EXOC6B: variants seen among roughly 807,000 people sequenced by gnomAD.
The protein encoded by EXOC6B is exocyst complex component 6B.
EXOC6B carries 54 observed loss-of-function variants against 113.5 expected under a neutral mutation model. That is an observed-to-expected ratio of 0.48 (90% CI 0.38 to 0.60). EXOC6B has a LOEUF of 0.60. Ranked by LOEUF, EXOC6B falls within the 20% of genes least tolerant of loss-of-function variation. EXOC6B has a pLI of 0.00. For missense variants in EXOC6B, 797 were observed against 977.5 expected (o/e 0.82, Z 2.46); for synonymous variants, 357 against 339.0 (o/e 1.05, Z -0.58).
At chr2:72,185,131 C>T (rs1166616741) in intron 20 of EXOC6B, among the ~76,000 whole-genome samples, 1 of 152,246 alleles carries the variant, frequency 6.6e-6, no homozygotes, top group East Asian at 1.9e-4. Flanking sequence ...CTAGAAGGGG[C>T]ACAGTCCCAG....
chr2:72,515,051 A>G lies in EXOC6B; in HGVS notation c.991T>C (p.Ser331Pro), dbSNP rs1299814964. The change falls in exon 9 of 22, where the codon TCT becomes CCT. Residue 331 changes from serine to proline, a missense_variant. Physicochemically the swap from Ser to Pro is moderately conservative, Grantham distance 74. Coordinates refer to ENST00000272427, the MANE Select transcript of EXOC6B (RefSeq NM_015189.3). ...GAAGATGGTAATCCTACCATGTTAGATGGAGGTTGAAGTACCAAACGAGCC... is the reference window on the plus strand; with the variant it reads ...GAAGATGGTAATCCTACCATGTTAGGTGGAGGTTGAAGTACCAAACGAGCC... ...KQARLVLQPP[S>P]NMHETLDGYR... is the part of the protein sequence containing the mutation. 5.0e-6 allele frequency: 8 copies of G among 1,604,616 alleles called. No individual in the cohort carries two copies. Among genetic ancestry groups the G allele is most frequent in the Non-Finnish European group, 6.8e-6 (8 of 1,175,440 alleles).
chr2:72,390,353 T>C (rs981640294), intron 18 of EXOC6B, among the ~76,000 whole-genome samples: 1 of 152,238 alleles, frequency 6.6e-6, no homozygotes, highest in African/African-American at 2.4e-5. Flanking sequence ...ATATAAGCAT[T>C]TTTAAAGCAT....
At chr2:72,439,821 T>C in intron 18 of EXOC6B, among the ~76,000 whole-genome samples, 1 of 152,234 alleles carries the variant, frequency 6.6e-6, no homozygotes, top group East Asian at 1.9e-4. Flanking sequence ...GAGCTTTCAG[T>C]GTCTTGCACT....
At chr2:72,806,376 T>C (rs1232187350) in intron 1 of EXOC6B, among the ~76,000 whole-genome samples, 1 of 152,240 alleles carries the variant, frequency 6.6e-6, no homozygotes, top group Non-Finnish European at 1.5e-5. Flanking sequence ...TTTTTATGGC[T>C]GTACAGTGGT....
intron 20 of EXOC6B, among the ~76,000 whole-genome samples, chr2:72,217,205 TAATACC>T (rs1680596667): frequency 6.6e-6 from 1 of 152,120 alleles, no homozygotes; most frequent in East Asian, 1.9e-4. Context: ...CCAGCCCTGA[TAATACC>T]AATATTCACA....
intron 7 of EXOC6B, among the ~76,000 whole-genome samples, chr2:72,573,447 T>A (rs1704635149): frequency 1.3e-5 from 2 of 152,186 alleles, no homozygotes; most frequent in Admixed American, 6.5e-5. Context: ...CCAGGGTGGA[T>A]CCACATCTTA....
intron 20 of EXOC6B, among the ~76,000 whole-genome samples, chr2:72,230,036 G>C (rs1251583514): frequency 6.6e-6 from 1 of 151,968 alleles, no homozygotes; most frequent in Non-Finnish European, 1.5e-5. Flanking sequence ...GAGTAAGGAG[G>C]GGGAGGAATG....
chr2:72,207,830 C>T lies in EXOC6B; in HGVS notation c.2197-23643G>A, dbSNP rs537873729. Among the ~76,000 whole-genome samples, 8 of 152,206 alleles carry T rather than the reference C, an allele frequency of 5.3e-5. No homozygotes were observed. The South Asian group carries it at 1.7e-3, about 32-fold the overall frequency. ...AAATACCATGCTTCCTTGCCCTATT[C>T]CTAAATCATATAAATGTAATGAAAA... On this transcript the variant is annotated intron_variant, in intron 20 of 21. Transcript: ENST00000272427.
At position 72,398,727 on chromosome 2, in the gene EXOC6B, TACACACACAC is replaced by T. The variant is rs60055732; in HGVS notation, c.1981-18867_1981-18858del. Among the ~76,000 whole-genome samples, 51 of 138,994 alleles carry T rather than the reference TACACACACAC, an allele frequency of 3.7e-4. 1 individual carries two copies. The highest frequency in any genetic ancestry group is 1.2e-3 in the African/African-American group (47 of 37,626). 91.2% of individuals were successfully genotyped at this position (138,994 alleles called of 152,430 possible). A position where few individuals can be genotyped will look rare whatever the true frequency, so the allele number is the denominator to read the frequency against. ...AAAAAAAAAAAACTGTCTCTCTGTC[TACACACACAC>T]ACACACACACACACACACACACAAT... On this transcript the variant is annotated intron_variant, in intron 18 of 21. Coordinates refer to ENST00000272427, the MANE Select transcript of EXOC6B (RefSeq NM_015189.3).
At chr2:72,678,615 A>G (rs559272874) in intron 6 of EXOC6B, among the ~76,000 whole-genome samples, 9 of 152,164 alleles carry the variant, frequency 5.9e-5, no homozygotes, top group South Asian at 2.1e-4. Context: ...CTGAGGCACA[A>G]GAATTGCTTG....
intron 8 of EXOC6B, among the ~76,000 whole-genome samples, chr2:72,524,777 C>G (rs1372561817): frequency 1.3e-5 from 2 of 152,002 alleles, no homozygotes; most frequent in Non-Finnish European, 2.9e-5. Context: ...AGAAAAATGT[C>G]TAAACTTCAA....
At chr2:72,223,016 T>C (rs1008135264) in intron 20 of EXOC6B, among the ~76,000 whole-genome samples, 1 of 152,216 alleles carries the variant, frequency 6.6e-6, no homozygotes. Flanking sequence ...AGCAATAGCA[T>C]CTGTGTTCAG....
At chr2:72,628,514 C>T (rs1672197373) in intron 6 of EXOC6B, among the ~76,000 whole-genome samples, 1 of 152,038 alleles carries the variant, frequency 6.6e-6, no homozygotes, top group South Asian at 2.1e-4. Context: ...TTTGTGACCC[C>T]TAAAATTCAT....
At chr2:72,581,138 T>C (rs1705195821) in intron 6 of EXOC6B, among the ~76,000 whole-genome samples, 1 of 152,146 alleles carries the variant, frequency 6.6e-6, no homozygotes, top group African/African-American at 2.4e-5. Context: ...AGGATAACCA[T>C]GAAAATAAAT....
At chr2:72,471,685 T>C (rs1345854444) in intron 17 of EXOC6B, among the ~76,000 whole-genome samples, 1 of 152,212 alleles carries the variant, frequency 6.6e-6, no homozygotes, top group African/African-American at 2.4e-5. Context: ...CCAATTTGGA[T>C]GCCTTTTATT....
chr2:72,604,740 A>G (rs940007850), intron 6 of EXOC6B, among the ~76,000 whole-genome samples: 1 of 152,200 alleles, frequency 6.6e-6, no homozygotes, highest in Non-Finnish European at 1.5e-5. Context: ...GGTCCATACT[A>G]TGATAGAGTT....
rs1558625759 is a variant in EXOC6B at position 72,397,661 on chromosome 2, T to TAAAATAAAAAAAA, written c.1981-17792_1981-17791insTTTTTTTTATTTT. Among the ~76,000 whole-genome samples, 19 of 102,084 alleles carry TAAAATAAAAAAAA rather than the reference T, an allele frequency of 1.9e-4. 1 individual carries two copies. Among genetic ancestry groups the TAAAATAAAAAAAA allele is most frequent in the African/African-American group, 8.6e-4 (10 of 11,654 alleles). 67.0% of individuals were successfully genotyped at this position (102,084 alleles called of 152,430 possible). On this transcript the variant is annotated intron_variant, in intron 18 of 21. Transcript: ENST00000272427. ...AAAATAAAATAAAATAAAATAAAAT[T>TAAAATAAAAAAAA]ATATATATATACACTCATATATTCA...
chr2:72,352,356 A>G (rs1359444292), intron 19 of EXOC6B, among the ~76,000 whole-genome samples: 1 of 152,204 alleles, frequency 6.6e-6, no homozygotes. Flanking sequence ...TAAAAAGCCT[A>G]TACATTGACT....
chr2:72,780,399 A>G (rs1461127124), intron 1 of EXOC6B, among the ~76,000 whole-genome samples: 1 of 152,172 alleles, frequency 6.6e-6, no homozygotes, highest in African/African-American at 2.4e-5. Context: ...CTGATTATAC[A>G]AAGATTTTTT....
Sources: gnomAD v4.1 joint callset for allele counts (sites outside exome capture counted in the v4.1 genomes callset) on GRCh38, gnomAD v4.1.1 for gene constraint, MANE v1.5 for transcripts, NCBI Gene and HGNC (gene_info 2026-07-23, HGNC 2026-07-21) for gene names.